The following MYO16 variants were observed in gnomAD, a reference collection of about 807,000 sequenced individuals.
MYO16 encodes unconventional myosin-XVI.
Under a neutral mutation model 205.3 loss-of-function variants are expected in MYO16, and 94 were observed. The observed-to-expected ratio is 0.46, with a 90% confidence interval of 0.39 to 0.54. MYO16 has a LOEUF of 0.54. Ranked by LOEUF, MYO16 falls within the 20% of genes least tolerant of loss-of-function variation. The pLI is 0.00. For missense variants in MYO16, 2,315 were observed against 2,387.5 expected (o/e 0.97, Z 0.63); for synonymous variants, 988 against 954.0 (o/e 1.04, Z -0.66).
At chr13:108,874,390 T>C (rs1368886294) in intron 12 of MYO16, among the ~76,000 whole-genome samples, 2 of 152,148 alleles carry the variant, frequency 1.3e-5, no homozygotes, top group African/African-American at 4.8e-5. Context: ...AAAATTATAA[T>C]ATTTGAAATT....
chr13:109,046,853 A>G, intron 23 of MYO16, 63 bp from the exon 24 acceptor site: 1 of 1,371,724 alleles, frequency 7.3e-7, no homozygotes. Context: ...TTATCCTTTA[A>G]AGGAATTTAT....
At chr13:108,544,913 G>C in the MYO16 span, among the ~76,000 whole-genome samples, 1 of 152,068 alleles carries the variant, frequency 6.6e-6, no homozygotes, top group African/African-American at 2.4e-5. Context: ...TTCCATCAAT[G>C]CTGCTGCAAA....
chr13:108,917,462 G>A (rs1196864635), intron 16 of MYO16, among the ~76,000 whole-genome samples: 2 of 152,230 alleles, frequency 1.3e-5, no homozygotes, highest in Admixed American at 6.5e-5. Flanking sequence ...GAATGCAAGT[G>A]TCAGTAAGTC....
At chr13:108,896,493 T>C (rs1213636673) in intron 14 of MYO16, among the ~76,000 whole-genome samples, 2 of 152,218 alleles carry the variant, frequency 1.3e-5, no homozygotes, top group South Asian at 4.1e-4. Flanking sequence ...AATTAATATA[T>C]GTTTGTCTCC....
intron 9 of MYO16, among the ~76,000 whole-genome samples, chr13:108,836,457 C>T (rs756358951): frequency 2.6e-5 from 4 of 152,198 alleles, no homozygotes; most frequent in South Asian, 2.1e-4. Context: ...CACACAGAGT[C>T]CCCACTTGGG....
chr13:108,619,715 C>T (rs889491198), intron 1 of MYO16, among the ~76,000 whole-genome samples: 2 of 152,124 alleles, frequency 1.3e-5, no homozygotes, highest in African/African-American at 4.8e-5. Context: ...CACTTATTTT[C>T]TACTCATTTT....
chr13:108,539,712 C>A, the MYO16 span, among the ~76,000 whole-genome samples: 7 of 152,034 alleles, frequency 4.6e-5, no homozygotes, highest in African/African-American at 1.7e-4. Context: ...ATTGAAGATC[C>A]ATGGAGCTTA....
rs138998062 is a variant in MYO16, at chr13:109,198,863, G to A, written c.5416-7746G>A. On this transcript the variant is annotated intron_variant, in intron 34 of 34. Transcript: ENST00000457511. Reference sequence around the variant, plus strand: ...CGAATGCTTGTTCAGCATTGCACAAGTAGCTTGCATAGTTGGGTTCCATCC... The same window carrying A: ...CGAATGCTTGTTCAGCATTGCACAAATAGCTTGCATAGTTGGGTTCCATCC... Among the ~76,000 whole-genome samples the A allele has an allele frequency of 3.6e-3, 542 of 152,252 alleles. 5 individuals carry two copies. Among genetic ancestry groups the A allele is most frequent in the African/African-American group, 0.012 (497 of 41,560 alleles).
intron 32 of MYO16, among the ~76,000 whole-genome samples, chr13:109,153,064 C>A (rs1566536535): frequency 6.6e-6 from 1 of 152,130 alleles, no homozygotes; most frequent in Admixed American, 6.5e-5. Context: ...AGATACTACT[C>A]GGGATTCACA....
chr13:108,968,124 A>C (rs1205630617), intron 20 of MYO16, among the ~76,000 whole-genome samples: 1 of 152,188 alleles, frequency 6.6e-6, no homozygotes, highest in Non-Finnish European at 1.5e-5. Context: ...TCCCGCACAC[A>C]GACAGAGCGT....
At chr13:108,852,373 G>T (rs146707751) in intron 10 of MYO16, among the ~76,000 whole-genome samples, 8 of 152,254 alleles carry the variant, frequency 5.3e-5, no homozygotes, top group Non-Finnish European at 1.0e-4. Flanking sequence ...ATTATCCACT[G>T]GAATTCCGCC....
At chr13:108,956,323 C>T (rs371308793) in intron 16 of MYO16, among the ~76,000 whole-genome samples, 25 of 152,172 alleles carry the variant, frequency 1.6e-4, no homozygotes, top group African/African-American at 5.5e-4. Context: ...TCCTCCCTTC[C>T]CCTCTCCCCA....
intron 1 of MYO16, among the ~76,000 whole-genome samples, chr13:108,642,320 G>A (rs1880539868): frequency 6.6e-6 from 1 of 152,176 alleles, no homozygotes; most frequent in Non-Finnish European, 1.5e-5. Context: ...CTGCAGTCTA[G>A]TAACAACATG....
rs552117195 is a variant in MYO16 at position 109,192,008 on chromosome 13, G to A, written c.5415+12375G>A. Among the ~76,000 whole-genome samples the A allele has an allele frequency of 3.3e-5, 5 of 152,264 alleles. No homozygotes were observed. In the East Asian group the frequency reaches 5.8e-4, roughly 18 times the overall value. ...CCATATTTCTGATAATTTTGAAAGC[G>A]AAATTCAGGCTAAAATAATAGAAGG... On this transcript the variant is annotated intron_variant, in intron 34 of 34. Transcript: ENST00000457511.
the MYO16 span, among the ~76,000 whole-genome samples, chr13:108,576,423 T>C: frequency 2.0e-5 from 3 of 152,132 alleles, no homozygotes; most frequent in South Asian, 2.1e-4. Flanking sequence ...AACCAGCTGG[T>C]AATATTGTCT....
intron 4 of MYO16, among the ~76,000 whole-genome samples, chr13:108,747,572 A>G (rs1316717054): frequency 6.8e-6 from 1 of 148,044 alleles, no homozygotes; most frequent in Non-Finnish European, 1.5e-5. Flanking sequence ...ATGGAATCAT[A>G]TAATATGCTC....
chr13:108,559,892 AG>A, the MYO16 span, among the ~76,000 whole-genome samples: 22 of 152,160 alleles, frequency 1.4e-4, no homozygotes, highest in African/African-American at 5.1e-4. Flanking sequence ...AGAAATCAAA[AG>A]CTTTAATTTT....
intron 34 of MYO16, among the ~76,000 whole-genome samples, chr13:109,182,658 A>C (rs1391245422): frequency 6.6e-6 from 1 of 152,186 alleles, no homozygotes; most frequent in African/African-American, 2.4e-5. Context: ...TTTTACATCC[A>C]AACAAGTATT....
At chr13:108,652,232 A>AT (rs1261737067) in intron 1 of MYO16, among the ~76,000 whole-genome samples, 2 of 152,180 alleles carry the variant, frequency 1.3e-5, no homozygotes, top group Non-Finnish European at 2.9e-5. Flanking sequence ...AAGCATGCTA[A>AT]TTCCTGAACA....
Sources: allele counts gnomAD v4.1 joint callset (sites outside exome capture counted in the v4.1 genomes callset), GRCh38; gene constraint gnomAD v4.1.1; transcripts MANE v1.5; gene names NCBI Gene and HGNC (gene_info 2026-07-23, HGNC 2026-07-21).